RASGEF1C: variants seen among roughly 807,000 people sequenced by gnomAD.
RASGEF1C encodes ras-GEF domain-containing family member 1C.
A neutral mutation model predicts 58.1 loss-of-function variants in RASGEF1C; 27 were observed. The ratio of observed to expected loss-of-function variants is 0.46; its 90% confidence interval spans 0.34 to 0.64. The LOEUF (loss-of-function observed/expected upper bound fraction) is 0.64. RASGEF1C is among the 30% of genes least tolerant of loss of function. The pLI, the probability that RASGEF1C is intolerant of heterozygous loss-of-function variation, is 0.01. For synonymous variants in RASGEF1C, 243 were observed against 246.3 expected (o/e 0.99, Z 0.13); for missense variants, 502 against 605.1 (o/e 0.83, Z 1.79).
chr5:180,118,730 G>T (rs1166916142), intron 9 of RASGEF1C, 26 bp from the exon 10 acceptor site: 1 of 1,613,930 alleles, frequency 6.2e-7, no homozygotes, highest in Non-Finnish European at 8.5e-7. Flanking sequence ...GAGGCATGTG[G>T]GCAGTTCTGT....
At position 180,107,212 on chromosome 5, in the gene RASGEF1C, G is replaced by A. The variant is rs74530027; in HGVS notation, c.1303+4245C>T. Among the ~76,000 whole-genome samples the A allele has an allele frequency of 7.9e-3, 1,203 of 152,096 alleles. 19 individuals carry two copies. Among genetic ancestry groups the A allele is most frequent in the African/African-American group, 0.027 (1,130 of 41,504 alleles). ...TATAGTTGGATCATTTTAAAAAATC[G>A]ACTTTGTCAATTTCTTTTACTTGGT... On this transcript the variant is annotated intron_variant, in intron 12 of 13. Transcript: ENST00000361132.
At chr5:180,162,978 G>A (rs76140755) in intron 1 of RASGEF1C, among the ~76,000 whole-genome samples, 1 of 152,078 alleles carries the variant, frequency 6.6e-6, no homozygotes, top group South Asian at 2.1e-4. Context: ...AGTATCTTTG[G>A]GGGGCTGGGA....
intron 1 of RASGEF1C, among the ~76,000 whole-genome samples, chr5:180,176,450 C>T (rs925335718): frequency 1.3e-4 from 20 of 152,230 alleles, no homozygotes; most frequent in South Asian, 2.1e-4. Flanking sequence ...CGCCATCCAT[C>T]GCACCCTCCT....
intron 1 of RASGEF1C, among the ~76,000 whole-genome samples, chr5:180,194,161 C>A (rs1046997174): frequency 3.9e-5 from 6 of 152,158 alleles, no homozygotes; most frequent in Non-Finnish European, 7.3e-5. Context: ...CCTGTGTGAG[C>A]CGGACGGGGA....
chr5:180,142,975 G>C (rs550376304), intron 1 of RASGEF1C, among the ~76,000 whole-genome samples: 2 of 152,132 alleles, frequency 1.3e-5, no homozygotes, highest in Non-Finnish European at 2.9e-5. Context: ...AGTGGCTGAG[G>C]CATGAGCTTC....
Position 180,158,628 on chromosome 5 carries a change from C to T in RASGEF1C, c.-6-20570G>A, listed in dbSNP as rs1461126344. Among the ~76,000 whole-genome samples, 2 of 152,132 alleles carry T rather than the reference C, an allele frequency of 1.3e-5. No homozygotes were observed. The highest frequency in any genetic ancestry group is 2.9e-5 in the Non-Finnish European group (2 of 68,020). On this transcript the variant is annotated intron_variant, in intron 1 of 13. Coordinates refer to ENST00000361132, the MANE Select transcript of RASGEF1C (RefSeq NM_175062.4). This position sits in a 1 kb window ranked among gnomAD's most constrained non-coding sequence, Gnocchi z 4.0. The stretch of plus-strand genomic sequence containing the variant: ...GCCTGGGACTGTCCTAGTTTTAGTA[C>T]TGAAAATCCCGTATCCCAAGAAAAA...
At chr5:180,117,577 C>T (rs2113250960) in intron 10 of RASGEF1C, among the ~76,000 whole-genome samples, 1 of 152,270 alleles carries the variant, frequency 6.6e-6, no homozygotes, top group Admixed American at 6.5e-5. Context: ...GGTTTCAAGC[C>T]AGAGGATCAT....
At chr5:180,166,509 A>AT (rs1229971614) in intron 1 of RASGEF1C, among the ~76,000 whole-genome samples, 1 of 144,314 alleles carries the variant, frequency 6.9e-6, no homozygotes, top group Non-Finnish European at 1.5e-5. Context: ...TTCCCAAAGA[A>AT]TTTTTCTTTT....
At chr5:180,195,667 C>A (rs377240188) in intron 1 of RASGEF1C, among the ~76,000 whole-genome samples, 47 of 151,864 alleles carry the variant, frequency 3.1e-4, no homozygotes, top group African/African-American at 1.1e-3. Context: ...GAGGCTGAGG[C>A]AGGAGAATGG....
Position 180,177,406 on chromosome 5 carries a change from C to T in RASGEF1C, c.-7+31622G>A, listed in dbSNP as rs888401387. On this transcript the variant is annotated intron_variant, in intron 1 of 13. Transcript: ENST00000361132. This position sits in a 1 kb window ranked among gnomAD's most constrained non-coding sequence, Gnocchi z 5.0. ...CCCAGCAGCCCCAGCAAAAGCTCTT[C>T]GGTGAGTGCCTGCGCAATCTGCCCG... is the stretch of plus-strand genomic sequence containing the variant. Among the ~76,000 whole-genome samples the T allele has an allele frequency of 3.9e-5, 6 of 152,230 alleles. No individual in the cohort carries two copies. Among genetic ancestry groups the T allele is most frequent in the African/African-American group, 1.2e-4 (5 of 41,462 alleles).
chr5:180,128,498 G>A lies in RASGEF1C; in HGVS notation c.551C>T (p.Thr184Ile). The A allele has an allele frequency of 6.2e-7, 1 of 1,614,182 alleles. No homozygotes were observed. The highest frequency in any genetic ancestry group is 8.5e-7 in the Non-Finnish European group (1 of 1,180,052). The stretch of plus-strand genomic sequence containing the variant: ...CCTGTGGATGGAGGCTGGTGGCTTG[G>A]TCCTGTAGGAGATGGGCTTGTCGGC... The part of the protein sequence containing the change: ...VGADKPISYR[T>I]KPPASIHREL... The change falls in exon 5 of 14, where the codon ACC (threonine) becomes ATC (isoleucine). Residue 184 changes from threonine to isoleucine, a missense_variant. Coordinates refer to ENST00000361132, the MANE Select transcript of RASGEF1C (RefSeq NM_175062.4).
chr5:180,109,324 G>C (rs922615821), intron 12 of RASGEF1C, among the ~76,000 whole-genome samples: 1 of 152,156 alleles, frequency 6.6e-6, no homozygotes, highest in Admixed American at 6.5e-5. Flanking sequence ...CGGGCGTGGT[G>C]GTGGGTGCCT....
At chr5:180,151,920 A>T (rs1429294599) in intron 1 of RASGEF1C, among the ~76,000 whole-genome samples, 1 of 151,942 alleles carries the variant, frequency 6.6e-6, no homozygotes, top group East Asian at 1.9e-4. Context: ...ATATGAACAG[A>T]CACTTCTCAA....
chr5:180,159,672 G>A (rs1390084763), intron 1 of RASGEF1C, among the ~76,000 whole-genome samples: 1 of 152,202 alleles, frequency 6.6e-6, no homozygotes, highest in Non-Finnish European at 1.5e-5. Context: ...CCATTTGGGG[G>A]AACTCTGATC....
chr5:180,164,179 T>C (rs1766986356), intron 1 of RASGEF1C, among the ~76,000 whole-genome samples: 1 of 152,216 alleles, frequency 6.6e-6, no homozygotes, highest in Admixed American at 6.5e-5. Context: ...AAACAGCTTT[T>C]GGTTTCATTG....
intron 1 of RASGEF1C, among the ~76,000 whole-genome samples, chr5:180,163,423 C>T (rs561549435): frequency 1.6e-3 from 245 of 151,838 alleles, no homozygotes; most frequent in Non-Finnish European, 2.5e-3. Flanking sequence ...GGGAAGTTCC[C>T]TTCTGTACCT....
intron 1 of RASGEF1C, among the ~76,000 whole-genome samples, chr5:180,141,166 C>T (rs997497594): frequency 6.6e-6 from 1 of 152,228 alleles, no homozygotes; most frequent in African/African-American, 2.4e-5. Context: ...CACACTCCCC[C>T]GCACTGGGCT....
In RASGEF1C at chr5:180,155,242, C is replaced by G. The variant is rs566471368; in HGVS notation, c.-6-17184G>C. On this transcript the variant is annotated intron_variant, in intron 1 of 13. Coordinates refer to ENST00000361132, the MANE Select transcript of RASGEF1C (RefSeq NM_175062.4). This position sits in a 1 kb window ranked among gnomAD's most constrained non-coding sequence, Gnocchi z 5.2. ...GCCCCGAGCAGTGGTAGCATCACGT[C>G]TAGGCTCTGAAAGCCTCTGTGGTCC... Among the ~76,000 whole-genome samples, 12 of 152,210 alleles carry G rather than the reference C, an allele frequency of 7.9e-5. No homozygotes were observed. Among genetic ancestry groups the G allele is most frequent in the Non-Finnish European group, 1.6e-4 (11 of 68,038 alleles).
intron 1 of RASGEF1C, among the ~76,000 whole-genome samples, chr5:180,165,119 C>G (rs1487372091): frequency 3.9e-5 from 6 of 151,982 alleles, no homozygotes; most frequent in African/African-American, 1.5e-4. Context: ...CTGATATATC[C>G]TTTTCCCATT....
Sources: gnomAD v4.1 joint callset for allele counts (sites outside exome capture counted in the v4.1 genomes callset) on GRCh38, gnomAD v4.1.1 for gene constraint, Gnocchi (gnomAD v3.1) non-coding constraint, MANE v1.5 for transcripts, NCBI Gene and HGNC (gene_info 2026-07-23, HGNC 2026-07-21) for gene names.